SLC24A2: variants seen among roughly 807,000 people sequenced by gnomAD.
SLC24A2 encodes the protein solute carrier family 24 member 2, also known as sodium/potassium/calcium exchanger 2.
A neutral mutation model predicts 62.0 loss-of-function variants in SLC24A2; 36 were observed. The ratio of observed to expected loss-of-function variants is 0.58; its 90% CI spans 0.44 to 0.77. SLC24A2 has a LOEUF of 0.77. SLC24A2 is among the 30% of genes least tolerant of loss of function. The probability of loss-of-function intolerance (pLI) is 0.00; values close to 1 mark genes in which losing one functional copy is unlikely to be tolerated. For missense variants in SLC24A2, 846 were observed against 817.9 expected (o/e 1.03, Z -0.42); for synonymous variants, 358 against 294.0 (o/e 1.22, Z -2.23).
the SLC24A2 span, among the ~76,000 whole-genome samples, chr9:19,884,426 G>A: frequency 6.6e-6 from 1 of 152,120 alleles, no homozygotes; most frequent in Non-Finnish European, 1.5e-5. Context: ...TCTGAACACT[G>A]TTGTATAGTT....
Position 19,528,136 on chromosome 9 carries a change from T to G in SLC24A2, c.1482A>C (p.Ser494=). ...WITLPDVRKP[S]SRKFFPITFF... ...ACGTGATGGGAAAAAACTTCCTCGA[T>G]GACTGAAAGACAACCAGGAAGAGTT... The change falls in exon 9 of 11, where the codon TCA becomes TCC. Residue 494 remains serine (S), a splice_region_variant and synonymous_variant. Coordinates refer to ENST00000341998, the MANE Select transcript of SLC24A2 (RefSeq NM_020344.4). 6.4e-7 allele frequency: 1 copy of G among 1,571,894 alleles called. No individual in the cohort carries two copies. The highest frequency in any genetic ancestry group is 8.7e-7 in the Non-Finnish European group (1 of 1,153,282).
At chr9:20,242,694 AATAGCTGCGGT>A in the SLC24A2 span, among the ~76,000 whole-genome samples, 8 of 152,238 alleles carry the variant, frequency 5.3e-5, no homozygotes, top group Non-Finnish European at 1.2e-4. Flanking sequence ...CCTCCTCCTA[AATAGCTGCGGT>A]TAAAACATCC....
the SLC24A2 span, among the ~76,000 whole-genome samples, chr9:20,004,996 G>T: frequency 6.6e-6 from 1 of 151,938 alleles, no homozygotes; most frequent in African/African-American, 2.4e-5. Context: ...CCAGTCTATT[G>T]GTTATCACAA....
chr9:20,268,554 C>T, the SLC24A2 span, among the ~76,000 whole-genome samples: 1 of 152,200 alleles, frequency 6.6e-6, no homozygotes, highest in Admixed American at 6.5e-5. Flanking sequence ...CCATGTGCTG[C>T]TTTGCACCTC....
In SLC24A2 at chr9:19,728,617, G is replaced by C. The variant is rs113269389; in HGVS notation, c.930+57320C>G. Among the ~76,000 whole-genome samples the C allele has an allele frequency of 3.2e-3, 487 of 152,198 alleles. 5 individuals are homozygous for C. Among genetic ancestry groups the C allele is most frequent in the Middle Eastern group, 0.014 (4 of 294 alleles). ...GGGGAGAGAAGCTCAGAACAGGCATGTATAATTTTCAAAGACCACATAACT... is the reference window on the plus strand; with the variant it reads ...GGGGAGAGAAGCTCAGAACAGGCATCTATAATTTTCAAAGACCACATAACT... On this transcript the variant is annotated intron_variant, in intron 2 of 10. Transcript: ENST00000341998.
chr9:20,075,286 G>C, the SLC24A2 span, among the ~76,000 whole-genome samples: 1 of 152,094 alleles, frequency 6.6e-6, no homozygotes, highest in Non-Finnish European at 1.5e-5. Flanking sequence ...TCTAATCCTT[G>C]GGACAAATCT....
At chr9:19,805,019 G>A in the SLC24A2 span, among the ~76,000 whole-genome samples, 1 of 152,034 alleles carries the variant, frequency 6.6e-6, no homozygotes, top group Non-Finnish European at 1.5e-5. Context: ...TTACAAGAAA[G>A]AAATGTTTTA....
chr9:20,162,408 C>A, the SLC24A2 span, among the ~76,000 whole-genome samples: 69 of 152,032 alleles, frequency 4.5e-4, no homozygotes, highest in South Asian at 6.8e-3. Context: ...GAAACACATA[C>A]ACCCTCCCAA....
At chr9:19,696,772 G>C (rs75473051) in intron 2 of SLC24A2, among the ~76,000 whole-genome samples, 2,272 of 152,116 alleles carry the variant, frequency 0.015, 63 homozygotes, top group African/African-American at 0.051. Flanking sequence ...GTGTAGTAAA[G>C]CTATTACATG....
the SLC24A2 span, among the ~76,000 whole-genome samples, chr9:20,043,879 A>AT: frequency 6.6e-6 from 1 of 152,236 alleles, no homozygotes; most frequent in Non-Finnish European, 1.5e-5. Context: ...ATTTTGAAAG[A>AT]ATTTCTACTG....
chr9:20,000,533 A>G, the SLC24A2 span, among the ~76,000 whole-genome samples: 1 of 152,210 alleles, frequency 6.6e-6, no homozygotes, highest in Non-Finnish European at 1.5e-5. Flanking sequence ...GAAACATCAG[A>G]ACACAAACGG....
chr9:19,926,177 G>A, the SLC24A2 span: 1 of 152,236 alleles, frequency 6.6e-6, no homozygotes, highest in African/African-American at 2.4e-5. Flanking sequence ...CCACTAGATG[G>A]CGGGAGAGGA....
chr9:20,137,613 C>A, the SLC24A2 span, among the ~76,000 whole-genome samples: 20 of 152,306 alleles, frequency 1.3e-4, no homozygotes, highest in Non-Finnish European at 5.9e-5. Flanking sequence ...CTCATGGCTT[C>A]TATTCCTTTC....
chr9:19,613,388 G>A (rs143005343), intron 4 of SLC24A2, among the ~76,000 whole-genome samples: 6 of 152,286 alleles, frequency 3.9e-5, no homozygotes, highest in South Asian at 2.1e-4. Flanking sequence ...TCAAGACCAC[G>A]CATTTTACAA....
chr9:19,858,807 C>G, the SLC24A2 span, among the ~76,000 whole-genome samples: 1 of 152,142 alleles, frequency 6.6e-6, no homozygotes, highest in African/African-American at 2.4e-5. Flanking sequence ...GAGAGACCAT[C>G]TCACTAGTCA....
At chr9:20,140,848 T>C in the SLC24A2 span, among the ~76,000 whole-genome samples, 1 of 152,212 alleles carries the variant, frequency 6.6e-6, no homozygotes, top group African/African-American at 2.4e-5. Context: ...TCCATTGCCT[T>C]AGAAACGAAA....
chr9:20,238,350 C>T, the SLC24A2 span, among the ~76,000 whole-genome samples: 1 of 152,166 alleles, frequency 6.6e-6, no homozygotes, highest in Non-Finnish European at 1.5e-5. Flanking sequence ...GACCTTCACA[C>T]ACATAGGCTG....
chr9:19,907,694 A>G, the SLC24A2 span, among the ~76,000 whole-genome samples: 1 of 152,086 alleles, frequency 6.6e-6, no homozygotes, highest in Non-Finnish European at 1.5e-5. Flanking sequence ...CCAATAACAG[A>G]CAAACAGAGA....
At chr9:19,688,652 A>G (rs924851491) in intron 2 of SLC24A2, among the ~76,000 whole-genome samples, 1 of 152,154 alleles carries the variant, frequency 6.6e-6, no homozygotes, top group Non-Finnish European at 1.5e-5. Flanking sequence ...GACGCAAAGC[A>G]GAATGTGTTG....
Sources: allele counts gnomAD v4.1 joint callset (sites outside exome capture counted in the v4.1 genomes callset), GRCh38; gene constraint gnomAD v4.1.1; transcripts MANE v1.5; gene names NCBI Gene and HGNC (gene_info 2026-07-23, HGNC 2026-07-21).